Variants in RIT2 observed in about 807,000 individuals in gnomAD.
RIT2 encodes the protein Ras like without CAAX 2.
Under a neutral mutation model 23.7 loss-of-function variants are expected in RIT2, and 24 were observed. The ratio of observed to expected loss-of-function variants is 1.01; its 90% confidence interval spans 0.73 to 1.43. RIT2 has a LOEUF of 1.43. Among genes scored for constraint, RIT2 ranks in the 40% most tolerant of loss-of-function variants. The probability of loss-of-function intolerance (pLI) is 0.00; values close to 1 mark genes in which losing one functional copy is unlikely to be tolerated. For synonymous variants in RIT2, 107 were observed against 91.1 expected, an observed-to-expected ratio of 1.17 and a Z score of -0.99; for missense variants, 236 against 266.9, an observed-to-expected ratio of 0.88 and a Z score of 0.81.
intron 1 of RIT2, among the ~76,000 whole-genome samples, chr18:43,098,102 A>G (rs1385237139): frequency 1.3e-5 from 2 of 151,938 alleles, no homozygotes; most frequent in African/African-American, 4.8e-5. Flanking sequence ...ACTTTCCAGG[A>G]TAAGCTCAAA....
intron 2 of RIT2, among the ~76,000 whole-genome samples, chr18:42,993,519 G>A (rs182294214): frequency 6.6e-6 from 1 of 152,170 alleles, no homozygotes; most frequent in East Asian, 1.9e-4. Context: ...CATAACTGTT[G>A]TGGGTATTGA....
At chr18:42,830,284 C>A (rs1457289869) in intron 4 of RIT2, among the ~76,000 whole-genome samples, 1 of 152,178 alleles carries the variant, frequency 6.6e-6, no homozygotes, top group African/African-American at 2.4e-5. Flanking sequence ...CAAAAGCAAC[C>A]ATCAACCATC....
intron 1 of RIT2, among the ~76,000 whole-genome samples, chr18:43,107,888 G>C (rs1913862176): frequency 6.6e-6 from 1 of 152,064 alleles, no homozygotes; most frequent in African/African-American, 2.4e-5. Flanking sequence ...ATGTGGCCGG[G>C]TGCAGTGGCT....
intron 1 of RIT2, among the ~76,000 whole-genome samples, chr18:43,052,819 G>A (rs1180750980): frequency 1.3e-5 from 2 of 152,008 alleles, no homozygotes; most frequent in Non-Finnish European, 2.9e-5. Flanking sequence ...ATAGGTCTGT[G>A]ACTTCGAGTA....
intron 1 of RIT2, among the ~76,000 whole-genome samples, chr18:43,106,548 A>AT (rs1913827266): frequency 6.6e-6 from 1 of 152,200 alleles, no homozygotes; most frequent in East Asian, 1.9e-4. Context: ...TCAATTAAAG[A>AT]TTTTTTCCTG....
chr18:42,936,788 G>A (rs1052432788), intron 3 of RIT2, among the ~76,000 whole-genome samples: 1 of 152,188 alleles, frequency 6.6e-6, no homozygotes, highest in African/African-American at 2.4e-5. Flanking sequence ...GAGGCGGGTG[G>A]ATCACCTGAG....
rs552316258 is a variant in RIT2 at position 42,924,751 on chromosome 18, T to G, written c.235-988A>C. The stretch of plus-strand genomic sequence containing the variant: ...AAGAATTTGAGAAAATGGGACTTCT[T>G]TACCTAGCAAAGTGTTTATAAGAAC... On this transcript the variant is annotated intron_variant, in intron 3 of 4. Coordinates refer to ENST00000326695, the MANE Select transcript of RIT2 (RefSeq NM_002930.4). Among the ~76,000 whole-genome samples, 31 of 152,182 alleles carry G rather than the reference T, an allele frequency of 2.0e-4. No homozygotes were observed. The Middle Eastern group carries it at 0.01, about 50-fold the overall frequency.
At chr18:43,022,090 C>T (rs1172037208) in intron 2 of RIT2, among the ~76,000 whole-genome samples, 3 of 152,054 alleles carry the variant, frequency 2.0e-5, no homozygotes, top group African/African-American at 4.8e-5. Flanking sequence ...ATAAAGAAAA[C>T]GTGATACATA....
chr18:43,070,252 C>T (rs1912868118), intron 1 of RIT2, among the ~76,000 whole-genome samples: 2 of 152,020 alleles, frequency 1.3e-5, no homozygotes, highest in African/African-American at 4.8e-5. Flanking sequence ...AATTGGTAAC[C>T]AACAGATTAC....
intron 4 of RIT2, among the ~76,000 whole-genome samples, chr18:42,884,590 G>C (rs971557013): frequency 6.6e-6 from 1 of 152,076 alleles, no homozygotes; most frequent in Non-Finnish European, 1.5e-5. Flanking sequence ...CATTATTAGA[G>C]GTGTTTGTTT....
intron 4 of RIT2, among the ~76,000 whole-genome samples, chr18:42,856,754 G>A (rs950347706): frequency 2.6e-5 from 4 of 151,844 alleles, no homozygotes; most frequent in Admixed American, 1.3e-4. Flanking sequence ...AGTAGGAGAG[G>A]GGAATTTTTC....
chr18:42,904,802 TAAA>T (rs1908567502), intron 4 of RIT2, among the ~76,000 whole-genome samples: 1 of 151,908 alleles, frequency 6.6e-6, no homozygotes, highest in Admixed American at 6.6e-5. Context: ...GCAAAATACA[TAAA>T]TAGACAATAC....
chr18:42,880,987 G>T (rs958359503), intron 4 of RIT2, among the ~76,000 whole-genome samples: 1 of 151,884 alleles, frequency 6.6e-6, no homozygotes, highest in South Asian at 2.1e-4. Context: ...TTGTATTTTA[G>T]TAGAGACAGG....
chr18:42,953,793 A>T (rs534853943), intron 3 of RIT2, among the ~76,000 whole-genome samples: 1 of 152,258 alleles, frequency 6.6e-6, no homozygotes, highest in East Asian at 1.9e-4. Context: ...TAAACGTTTA[A>T]ACGAAGTGTG....
Position 42,771,136 on chromosome 18 carries a change from A to G in RIT2, c.427-27416T>C, listed in dbSNP as rs533109871. On this transcript the variant is annotated intron_variant, in intron 4 of 4. Transcript: ENST00000326695. ...CAAACTACGTAATTTTTTTTTATTT[A>G]AATATACATTGCTAGTTTTCCCTTC... Among the ~76,000 whole-genome samples, 7 of 152,124 alleles carry G rather than the reference A, an allele frequency of 4.6e-5. No individual in the cohort carries two copies. In the South Asian group the frequency reaches 1.5e-3, roughly 32 times the overall value.
At chr18:42,987,651 C>T (rs770007645) in intron 2 of RIT2, among the ~76,000 whole-genome samples, 7 of 152,110 alleles carry the variant, frequency 4.6e-5, no homozygotes, top group Non-Finnish European at 8.8e-5. Context: ...TTAGAAACAA[C>T]GCCGATGTCT....
chr18:42,860,744 A>G (rs1907304399), intron 4 of RIT2, among the ~76,000 whole-genome samples: 1 of 152,182 alleles, frequency 6.6e-6, no homozygotes, highest in Non-Finnish European at 1.5e-5. Flanking sequence ...TGCATTCTTT[A>G]TGCCAGCAGA....
intron 1 of RIT2, among the ~76,000 whole-genome samples, chr18:43,099,607 A>T (rs933790470): frequency 6.6e-6 from 1 of 152,146 alleles, no homozygotes; most frequent in Non-Finnish European, 1.5e-5. Flanking sequence ...TGTTTCAAAA[A>T]GTCTTAAACT....
intron 4 of RIT2, among the ~76,000 whole-genome samples, chr18:42,854,600 A>G (rs777506440): frequency 6.6e-6 from 1 of 152,202 alleles, no homozygotes; most frequent in Non-Finnish European, 1.5e-5. Context: ...AAACAAACAT[A>G]GTTTTATTTC....
Sources: allele counts gnomAD v4.1 joint callset (sites outside exome capture counted in the v4.1 genomes callset), GRCh38; gene constraint gnomAD v4.1.1; transcripts MANE v1.5; gene names NCBI Gene and HGNC (gene_info 2026-07-23, HGNC 2026-07-21).